ZNF536: variants seen among roughly 807,000 people sequenced by gnomAD.
The protein encoded by ZNF536 is zinc finger protein 536.
A neutral mutation model predicts 84.5 loss-of-function variants in ZNF536; 13 were observed. That is an observed-to-expected ratio of 0.15 (90% CI 0.10 to 0.24). The LOEUF (loss-of-function observed/expected upper bound fraction) is 0.24. Ranked by LOEUF, ZNF536 falls within the 10% of genes least tolerant of loss-of-function variation. The pLI is 1.00. For synonymous variants in ZNF536, 811 were observed against 742.5 expected (o/e 1.09, Z -1.50); for missense variants, 1,536 against 1,747.5 (o/e 0.88, Z 2.16).
At chr19:30,350,295 C>A (rs867251952) in intron 2 of ZNF536, among the ~76,000 whole-genome samples, 7 of 152,280 alleles carry the variant, frequency 4.6e-5, no homozygotes, top group Middle Eastern at 3.4e-3. Context: ...CAGGTGAAAT[C>A]AAAAATCTCA....
At chr19:30,348,078 A>C (rs1011355795) in intron 2 of ZNF536, among the ~76,000 whole-genome samples, 1 of 152,236 alleles carries the variant, frequency 6.6e-6, no homozygotes, top group Non-Finnish European at 1.5e-5. Flanking sequence ...GCATTTACCC[A>C]TTAATTCATG....
chr19:30,557,073 G>A (rs2146367920), intron 4 of ZNF536, 84 bp from the exon 5 acceptor site: 1 of 1,416,470 alleles, frequency 7.1e-7, no homozygotes, highest in Non-Finnish European at 9.9e-7. Context: ...AACGATTAGG[G>A]GATGTGGCCC....
chr19:30,655,109 C>T (rs1600163754), intron 1 of ZNF536, among the ~76,000 whole-genome samples: 2 of 152,166 alleles, frequency 1.3e-5, no homozygotes, highest in African/African-American at 4.8e-5. Context: ...ACTCACAGGA[C>T]ACTCAGATTG....
At chr19:30,290,005 A>G (rs148877740) in intron 2 of ZNF536, among the ~76,000 whole-genome samples, 52 of 152,304 alleles carry the variant, frequency 3.4e-4, no homozygotes, top group South Asian at 8.3e-4. Flanking sequence ...CGGAAACTCT[A>G]TACCCATTAA....
chr19:30,660,467 C>T (rs555644167), intron 1 of ZNF536, among the ~76,000 whole-genome samples: 4 of 152,220 alleles, frequency 2.6e-5, no homozygotes, highest in East Asian at 1.9e-4. Context: ...ATTTCATTTC[C>T]GGGGACTCTG....
chr19:30,394,292 C>T (rs777710189), intron 1 of ZNF536, among the ~76,000 whole-genome samples: 5 of 152,188 alleles, frequency 3.3e-5, no homozygotes, highest in Non-Finnish European at 5.9e-5. Flanking sequence ...CTATTGCCTA[C>T]TTATCCGTGA....
intron 1 of ZNF536, among the ~76,000 whole-genome samples, chr19:30,405,674 A>G (rs2050233438): frequency 6.6e-6 from 1 of 152,096 alleles, no homozygotes; most frequent in African/African-American, 2.4e-5. Context: ...AACCGGTGTG[A>G]TCAGTCGCCA....
intron 2 of ZNF536, among the ~76,000 whole-genome samples, chr19:30,499,287 A>G (rs1186931248): frequency 1.3e-5 from 2 of 152,138 alleles, no homozygotes; most frequent in Non-Finnish European, 2.9e-5. Context: ...GTATGTATCT[A>G]TCTTTGCATC....
At chr19:30,514,974 G>A (rs575148774) in intron 2 of ZNF536, among the ~76,000 whole-genome samples, 21 of 152,210 alleles carry the variant, frequency 1.4e-4, no homozygotes, top group African/African-American at 2.2e-4. Flanking sequence ...GTGGCCCAGC[G>A]TGGTGGCTCA....
At chr19:30,332,640 T>G (rs2047251498) in intron 2 of ZNF536, among the ~76,000 whole-genome samples, 1 of 152,198 alleles carries the variant, frequency 6.6e-6, no homozygotes, top group Non-Finnish European at 1.5e-5. Flanking sequence ...CACTTCATCA[T>G]AACCTGTAAT....
intron 1 of ZNF536, among the ~76,000 whole-genome samples, chr19:30,633,980 C>T (rs977756588): frequency 1.9e-4 from 29 of 152,174 alleles, no homozygotes; most frequent in African/African-American, 6.7e-4. Context: ...TGCTATTTCC[C>T]TCATGAAACA....
At chr19:30,230,067 A>G (rs776704553) in intron 1 of ZNF536, among the ~76,000 whole-genome samples, 48 of 152,332 alleles carry the variant, frequency 3.2e-4, no homozygotes, top group South Asian at 1.2e-3. Context: ...CTCTGAGACC[A>G]TTGCATGGAA....
At chr19:30,705,426 C>T (rs2148032205) in intron 1 of ZNF536, among the ~76,000 whole-genome samples, 1 of 152,032 alleles carries the variant, frequency 6.6e-6, no homozygotes, top group Non-Finnish European at 1.5e-5. Flanking sequence ...GTGTTTGAGC[C>T]TATAAAAACA....
chr19:30,237,455 C>T (rs187708623), intron 1 of ZNF536, among the ~76,000 whole-genome samples: 42 of 152,214 alleles, frequency 2.8e-4, no homozygotes, highest in Middle Eastern at 6.8e-3. Context: ...AACACAAAAT[C>T]ATAATATGAT....
chr19:30,694,522 A>T (rs2051570261), intron 1 of ZNF536, among the ~76,000 whole-genome samples: 1 of 152,174 alleles, frequency 6.6e-6, no homozygotes, highest in South Asian at 2.1e-4. Flanking sequence ...TGGGAAGTAA[A>T]TGGGTGCCAG....
chr19:30,422,902 C>T (rs1360323150), intron 1 of ZNF536, among the ~76,000 whole-genome samples: 2 of 135,924 alleles, frequency 1.5e-5, no homozygotes, highest in Non-Finnish European at 3.2e-5. Flanking sequence ...TCTACCCACC[C>T]ACCCATCCCT....
rs138157610 is a variant in ZNF536, at chr19:30,449,315, G to A, written c.2170+3583G>A. On this transcript the variant is annotated intron_variant, in intron 2 of 4. Transcript: ENST00000355537. ...TTTACTTTTATGGCATTTAGAAAGC[G>A]GGGTGGCTGTTTCGATGCCTCCTCA... 6.0e-3 allele frequency among the ~76,000 whole-genome samples: 908 copies of A among 152,268 alleles called. 16 individuals are homozygous for A. The highest frequency in any genetic ancestry group is 0.021 in the African/African-American group (874 of 41,546).
intron 1 of ZNF536, among the ~76,000 whole-genome samples, chr19:30,233,517 A>G (rs926793711): frequency 2.1e-5 from 3 of 142,330 alleles, no homozygotes; most frequent in Admixed American, 1.4e-4. Flanking sequence ...AGTTTTTAAC[A>G]TTTTTTTTTT....
chr19:30,660,051 A>G (rs2050069030), intron 1 of ZNF536, among the ~76,000 whole-genome samples: 1 of 152,168 alleles, frequency 6.6e-6, no homozygotes, highest in Non-Finnish European at 1.5e-5. Flanking sequence ...CTCCTTTGAA[A>G]AAGCCACAGA....
Sources: gnomAD v4.1 joint callset for allele counts (sites outside exome capture counted in the v4.1 genomes callset) on GRCh38, gnomAD v4.1.1 for gene constraint, MANE v1.5 for transcripts, NCBI Gene and HGNC (gene_info 2026-07-23, HGNC 2026-07-21) for gene names.